Variants in MXI1 observed in about 807,000 individuals in gnomAD.
MXI1 encodes the protein MAX interactor 1, dimerization protein, also known as max-interacting protein 1.
Under a neutral mutation model 36.9 loss-of-function variants are expected in MXI1, and 18 were observed. The ratio of observed to expected loss-of-function variants is 0.49; its 90% CI spans 0.34 to 0.72. The LOEUF is 0.72. MXI1 is among the 30% of genes least tolerant of loss of function. The probability of loss-of-function intolerance (pLI) is 0.01; values close to 1 mark genes in which losing one functional copy is unlikely to be tolerated. For synonymous variants in MXI1, 160 were observed against 146.7 expected, an observed-to-expected ratio of 1.09 and a Z score of -0.65; for missense variants, 304 against 379.1, an observed-to-expected ratio of 0.80 and a Z score of 1.64.
intron 1 of MXI1, among the ~76,000 whole-genome samples, chr10:110,222,921 C>T (rs1854854015): frequency 6.6e-6 from 1 of 152,192 alleles, no homozygotes; most frequent in Admixed American, 6.5e-5. Context: ...GCAGCCAGCG[C>T]AGGGAGAAGG....
chr10:110,239,847 C>T (rs1855606167), intron 2 of MXI1, among the ~76,000 whole-genome samples: 1 of 151,982 alleles, frequency 6.6e-6, no homozygotes, highest in South Asian at 2.1e-4. Flanking sequence ...TGAATTTTTA[C>T]AAAAGCAAAG....
chr10:110,259,776 T>C (rs541308999), intron 3 of MXI1, among the ~76,000 whole-genome samples: 9 of 152,080 alleles, frequency 5.9e-5, no homozygotes, highest in Non-Finnish European at 1.2e-4. Flanking sequence ...TAGTAAATAA[T>C]GTCAATCCCA....
chr10:110,222,882 A>T lies in MXI1; in HGVS notation c.275-5307A>T, dbSNP rs187447063. 3.3e-5 allele frequency among the ~76,000 whole-genome samples: 5 copies of T among 152,290 alleles called. No individual in the cohort carries two copies. In the East Asian group the frequency reaches 9.6e-4, roughly 29 times the overall value. On this transcript the variant is annotated intron_variant, in intron 1 of 5. Coordinates refer to ENST00000332674, the MANE Select transcript of MXI1 (RefSeq NM_130439.3). ...AGCTTTGTGCTGGAGAGGCCCTTAT[A>T]GCTGATGTCCAAGGAAGGACTCCAG...
At chr10:110,270,246 T>C (rs1368207055) in intron 3 of MXI1, among the ~76,000 whole-genome samples, 1 of 152,228 alleles carries the variant, frequency 6.6e-6, no homozygotes, top group Non-Finnish European at 1.5e-5. Context: ...AGAAGAAATA[T>C]GGTGAATGAA....
At chr10:110,267,313 A>AG (rs1856705410) in intron 3 of MXI1, among the ~76,000 whole-genome samples, 1 of 152,228 alleles carries the variant, frequency 6.6e-6, no homozygotes, top group African/African-American at 2.4e-5. Context: ...ATTGGGCTTT[A>AG]GTAAGGAGAT....
intron 1 of MXI1, among the ~76,000 whole-genome samples, chr10:110,216,048 C>A (rs1854629604): frequency 6.6e-6 from 1 of 152,226 alleles, no homozygotes; most frequent in Admixed American, 6.5e-5. Flanking sequence ...CTGACTTGAT[C>A]TTTGTGGTCA....
chr10:110,259,178 C>A (rs972308452), intron 3 of MXI1, among the ~76,000 whole-genome samples: 1 of 151,936 alleles, frequency 6.6e-6, no homozygotes, highest in Non-Finnish European at 1.5e-5. Context: ...TTGCAGAGTG[C>A]CTAACTTAAG....
At chr10:110,223,574 AAAAT>A (rs141131240) in intron 1 of MXI1, among the ~76,000 whole-genome samples, 6 of 152,020 alleles carry the variant, frequency 3.9e-5, no homozygotes, top group Admixed American at 1.3e-4. Context: ...TCCGTCTCAA[AAAAT>A]AAATAAATAA....
At chr10:110,246,586 A>G (rs1324561732) in intron 3 of MXI1, among the ~76,000 whole-genome samples, 7 of 152,174 alleles carry the variant, frequency 4.6e-5, no homozygotes. Flanking sequence ...AAGGCTGAAT[A>G]GGTAGCATTG....
intron 1 of MXI1, chr10:110,210,182 C>A: frequency 1.1e-6 from 1 of 912,944 alleles, no homozygotes; most frequent in Non-Finnish European, 1.3e-6. Context: ...CCCGTGGCGG[C>A]GTAACCGGGC....
At chr10:110,273,192 CAT>C (rs1257893309) in intron 3 of MXI1, among the ~76,000 whole-genome samples, 2 of 151,914 alleles carry the variant, frequency 1.3e-5, no homozygotes, top group African/African-American at 2.4e-5. Context: ...GGACTACAGG[CAT>C]GTGCCACCAC....
chr10:110,235,504 G>A (rs1855426453), intron 2 of MXI1, among the ~76,000 whole-genome samples: 1 of 151,834 alleles, frequency 6.6e-6, no homozygotes, highest in Non-Finnish European at 1.5e-5. Context: ...TGGCTAACAT[G>A]GGGAAACCCT....
intron 2 of MXI1, among the ~76,000 whole-genome samples, chr10:110,244,463 C>A (rs1008049551): frequency 6.8e-6 from 1 of 147,148 alleles, no homozygotes; most frequent in Non-Finnish European, 1.5e-5. Context: ...AGTACACCCA[C>A]TTTTTTTTTT....
chr10:110,257,314 T>G (rs1458985658), intron 3 of MXI1: 1 of 150,064 alleles, frequency 6.7e-6, no homozygotes, highest in Non-Finnish European at 1.5e-5. Flanking sequence ...TTTTTTTGGT[T>G]TTTTTTTTTT....
At chr10:110,282,189 ATCATGAAC>A (rs1857274830) in intron 5 of MXI1, among the ~76,000 whole-genome samples, 1 of 152,174 alleles carries the variant, frequency 6.6e-6, no homozygotes, top group African/African-American at 2.4e-5. Flanking sequence ...TTTTGATTAT[ATCATGAAC>A]TCATGTTTTG....
At chr10:110,264,411 G>A (rs1856618699) in intron 3 of MXI1, among the ~76,000 whole-genome samples, 1 of 150,840 alleles carries the variant, frequency 6.6e-6, no homozygotes, top group Admixed American at 6.6e-5. Context: ...CTGTCACCAG[G>A]CTGGAGTGCA....
chr10:110,218,318 C>T (rs866190262), intron 1 of MXI1, among the ~76,000 whole-genome samples: 10 of 151,878 alleles, frequency 6.6e-5, no homozygotes, highest in African/African-American at 7.3e-5. Flanking sequence ...GGCGTGGTGG[C>T]GGGCGCCTGT....
At chr10:110,226,300 G>A in intron 1 of MXI1, 3 of 1,491,546 alleles carry the variant, frequency 2.0e-6, no homozygotes, top group Non-Finnish European at 1.8e-6. Flanking sequence ...GCTGGGCGCC[G>A]CTGCGTGAGC....
chr10:110,236,496 C>G (rs1855483312), intron 2 of MXI1, among the ~76,000 whole-genome samples: 1 of 152,102 alleles, frequency 6.6e-6, no homozygotes, highest in South Asian at 2.1e-4. Context: ...CACTCTTTCA[C>G]CCAGGCTGGA....
Sources: gnomAD v4.1 joint callset for allele counts (sites outside exome capture counted in the v4.1 genomes callset) on GRCh38, gnomAD v4.1.1 for gene constraint, MANE v1.5 for transcripts, NCBI Gene and HGNC (gene_info 2026-07-23, HGNC 2026-07-21) for gene names.